Variants in CSMD1 observed in about 807,000 individuals in gnomAD.
CSMD1 encodes the protein CUB and Sushi multiple domains 1, also known as CUB and sushi domain-containing protein 1.
CSMD1 carries 213 observed loss-of-function variants against 417.5 expected under a neutral mutation model. The ratio of observed to expected loss-of-function variants is 0.51; its 90% CI spans 0.46 to 0.57. CSMD1 has a LOEUF of 0.57. CSMD1 is among the 20% of genes least tolerant of loss of function. The pLI is 0.00. For missense variants in CSMD1, 6,923 were observed against 4,529.7 expected (o/e 1.53, Z -15.17); for synonymous variants, 2,862 against 1,736.8 (o/e 1.65, Z -16.11).
chr8:3,815,455 C>G (rs1463658068), intron 5 of CSMD1, among the ~76,000 whole-genome samples: 1 of 151,998 alleles, frequency 6.6e-6, no homozygotes, highest in Non-Finnish European at 1.5e-5. Context: ...TTGTGCCAGT[C>G]CCTCAGGTTT....
chr8:3,182,723 C>T (rs1403187484), intron 36 of CSMD1, among the ~76,000 whole-genome samples: 1 of 118,526 alleles, frequency 8.4e-6, no homozygotes, highest in Non-Finnish European at 1.7e-5. Context: ...TAGAGAAGGA[C>T]TCTGGCTGTC....
intron 3 of CSMD1, among the ~76,000 whole-genome samples, chr8:4,415,263 C>A (rs897429075): frequency 8.5e-5 from 13 of 152,264 alleles, no homozygotes; most frequent in Admixed American, 5.2e-4. Context: ...CACTTCTGCA[C>A]CCCCTCCTCC....
At chr8:3,527,695 A>G (rs1797810800) in intron 10 of CSMD1, among the ~76,000 whole-genome samples, 1 of 152,020 alleles carries the variant, frequency 6.6e-6, no homozygotes, top group African/African-American at 2.4e-5. Context: ...TTTGGCTTAG[A>G]GCAATGTGAC....
At chr8:3,219,829 A>G (rs1797742394) in intron 28 of CSMD1, among the ~76,000 whole-genome samples, 1 of 152,158 alleles carries the variant, frequency 6.6e-6, no homozygotes, top group Non-Finnish European at 1.5e-5. Flanking sequence ...CTTTATCTGA[A>G]TATTTTTAGT....
At chr8:3,439,961 G>C (rs1814865996) in intron 12 of CSMD1, among the ~76,000 whole-genome samples, 1 of 152,078 alleles carries the variant, frequency 6.6e-6, no homozygotes, top group Non-Finnish European at 1.5e-5. Context: ...AACCAGGAGG[G>C]CATCTTCTGT....
At chr8:3,999,989 G>C (rs1431747529) in intron 4 of CSMD1, among the ~76,000 whole-genome samples, 2 of 152,220 alleles carry the variant, frequency 1.3e-5, no homozygotes, top group Admixed American at 6.5e-5. Flanking sequence ...TACCACGGTA[G>C]TGTTTCCTTT....
chr8:4,075,787 G>C (rs143217111), intron 3 of CSMD1, among the ~76,000 whole-genome samples: 27 of 152,256 alleles, frequency 1.8e-4, no homozygotes, highest in Middle Eastern at 3.4e-3. Context: ...TTTCTCAAGA[G>C]GTTGTGATGA....
At chr8:4,436,406 T>A (rs1363662500) in intron 2 of CSMD1, among the ~76,000 whole-genome samples, 1 of 152,210 alleles carries the variant, frequency 6.6e-6, no homozygotes, top group Non-Finnish European at 1.5e-5. Flanking sequence ...TCAATTTTTG[T>A]GTGTACAGAG....
intron 2 of CSMD1, among the ~76,000 whole-genome samples, chr8:4,457,976 T>A (rs1272424653): frequency 6.6e-6 from 1 of 152,306 alleles, no homozygotes; most frequent in African/African-American, 2.4e-5. Flanking sequence ...ACTTCTTTGG[T>A]TGGTGGCACT....
chr8:3,742,051 C>G (rs974799237), intron 6 of CSMD1, among the ~76,000 whole-genome samples: 1 of 151,572 alleles, frequency 6.6e-6, no homozygotes, highest in African/African-American at 2.4e-5. Flanking sequence ...CAGCTTCACA[C>G]TCATTCAGCA....
chr8:2,979,861 C>T (rs1409912960), intron 54 of CSMD1, among the ~76,000 whole-genome samples: 6 of 152,140 alleles, frequency 3.9e-5, no homozygotes, highest in Non-Finnish European at 8.8e-5. Flanking sequence ...GTGTGAAGTT[C>T]GGGCAAATAA....
At position 3,753,969 on chromosome 8, in the gene CSMD1, T is replaced by C; in HGVS notation, c.892A>G (p.Ser298Gly). The C allele has an allele frequency of 6.2e-7, 1 of 1,613,152 alleles. No homozygotes were observed. Among genetic ancestry groups the C allele is most frequent in the East Asian group, 2.2e-5 (1 of 44,832 alleles). ...TTAAATCCTTTGCGTCGGTGGTTGC[T>C]GTCAGAGGTGAAATGGAGTCGTAGC... is the stretch of plus-strand genomic sequence containing the variant. ...NWLRLHFTSD[S>G]NHRRKGFNAQ... The change falls in exon 6 of 70, where the codon AGC becomes GGC. Residue 298 changes from serine to glycine, a missense_variant. Physicochemically the swap from Ser to Gly is moderately conservative, Grantham distance 56. Transcript: ENST00000635120.
chr8:4,267,719 A>C (rs1047985845), intron 3 of CSMD1, among the ~76,000 whole-genome samples: 2 of 152,092 alleles, frequency 1.3e-5, no homozygotes, highest in African/African-American at 4.8e-5. Context: ...TCCTCACCAA[A>C]GTTCTGAAGA....
intron 3 of CSMD1, among the ~76,000 whole-genome samples, chr8:4,303,629 G>C (rs4557722): frequency 6.6e-6 from 1 of 151,498 alleles, no homozygotes; most frequent in Non-Finnish European, 1.5e-5. Flanking sequence ...TCTACCAGAG[G>C]TGACTGGGAA....
chr8:3,896,796 C>G (rs1285031853), intron 5 of CSMD1, among the ~76,000 whole-genome samples: 1 of 151,908 alleles, frequency 6.6e-6, no homozygotes, highest in Non-Finnish European at 1.5e-5. Flanking sequence ...GTCTGAGAGT[C>G]TGAATTGATG....
intron 2 of CSMD1, among the ~76,000 whole-genome samples, chr8:4,493,864 C>A (rs1229320636): frequency 6.6e-6 from 1 of 152,174 alleles, no homozygotes; most frequent in Non-Finnish European, 1.5e-5. Flanking sequence ...CCAGCCATGA[C>A]TGACCTCATA....
At chr8:3,723,153 A>G (rs1802283634) in intron 6 of CSMD1, among the ~76,000 whole-genome samples, 1 of 152,148 alleles carries the variant, frequency 6.6e-6, no homozygotes, top group African/African-American at 2.4e-5. Flanking sequence ...TGAGGTTCCC[A>G]TCTTCTTGCT....
intron 12 of CSMD1, among the ~76,000 whole-genome samples, chr8:3,445,283 T>C (rs911939081): frequency 1.3e-5 from 2 of 152,190 alleles, no homozygotes; most frequent in Admixed American, 1.3e-4. Context: ...GTTATAATTT[T>C]GGGGACGTCA....
In CSMD1 at chr8:4,967,273, T is replaced by G. The variant is rs147224626; in HGVS notation, c.85+27059A>C. Among the ~76,000 whole-genome samples, 582 of 152,314 alleles carry G rather than the reference T, an allele frequency of 3.8e-3. 4 individuals are homozygous for G. Among genetic ancestry groups the G allele is most frequent in the African/African-American group, 0.013 (526 of 41,580 alleles). Reference sequence around the variant, plus strand: ...CTTAGGTTGAGTTTTTATCAATTATTCTCTTGTCTGTAGCCATTTCAGGCA... The same window carrying G: ...CTTAGGTTGAGTTTTTATCAATTATGCTCTTGTCTGTAGCCATTTCAGGCA... On this transcript the variant is annotated intron_variant, in intron 1 of 69. Transcript: ENST00000635120.
Sources: gnomAD v4.1 joint callset for allele counts (sites outside exome capture counted in the v4.1 genomes callset) on GRCh38, gnomAD v4.1.1 for gene constraint, MANE v1.5 for transcripts, NCBI Gene and HGNC (gene_info 2026-07-23, HGNC 2026-07-21) for gene names.